The following PPP1R7 variants were observed in gnomAD, a reference collection of about 807,000 sequenced individuals.
PPP1R7 encodes the protein protein phosphatase 1 regulatory subunit 7.
PPP1R7 carries 18 observed loss-of-function variants against 45.2 expected under a neutral mutation model. That is an observed-to-expected ratio of 0.40 (90% confidence interval 0.28 to 0.59). PPP1R7 has a LOEUF of 0.59. PPP1R7 is among the 20% of genes least tolerant of loss of function. PPP1R7 has a pLI of 0.46. For synonymous variants in PPP1R7, 181 were observed against 183.4 expected, an observed-to-expected ratio of 0.99 and a Z score of 0.11; for missense variants, 314 against 455.8, an observed-to-expected ratio of 0.69 and a Z score of 2.83.
chr2:241,149,708 G>T, upstream of PPP1R7: 1 of 1,551,166 alleles, frequency 6.4e-7, no homozygotes, highest in Non-Finnish European at 8.7e-7. Context: ...GATCAAAATG[G>T]GTGAGTAGCG....
intron 9 of PPP1R7, among the ~76,000 whole-genome samples, chr2:241,181,690 T>G (rs971712007): frequency 6.6e-6 from 1 of 152,168 alleles, no homozygotes; most frequent in African/African-American, 2.4e-5. Flanking sequence ...CCGTTCCACA[T>G]GGACAGTTCC....
chr2:241,171,252 A>G (rs898024988), intron 9 of PPP1R7, among the ~76,000 whole-genome samples: 2 of 152,244 alleles, frequency 1.3e-5, no homozygotes, highest in African/African-American at 4.8e-5. Context: ...CTGGTGATCA[A>G]TCACTAGGGG....
upstream of PPP1R7, chr2:241,150,208 C>G: frequency 7.8e-7 from 1 of 1,275,624 alleles, no homozygotes; most frequent in East Asian, 3.2e-5. Flanking sequence ...CGTCTGCCTG[C>G]AGCTACGGCT....
At chr2:241,155,146 G>A (rs781390263) in intron 2 of PPP1R7, 1 of 152,236 alleles carries the variant, frequency 6.6e-6, no homozygotes, top group Non-Finnish European at 1.5e-5. Flanking sequence ...GCTATCCTCA[G>A]ATGGGTGCTG....
chr2:241,166,386 G>A lies in PPP1R7; in HGVS notation c.764G>A (p.Arg255Gln), dbSNP rs751179493. 10 of 1,613,908 alleles carry A rather than the reference G, an allele frequency of 6.2e-6. No individual in the cohort carries two copies. The highest frequency in any genetic ancestry group is 4.0e-5 in the African/African-American group (3 of 74,902). Residue 255 changes from arginine to glutamine, a missense_variant, in exon 8 of 10, where the codon CGG (arginine) becomes CAG (glutamine). Coordinates refer to ENST00000234038, the MANE Select transcript of PPP1R7 (RefSeq NM_002712.3). ...IEGLQNLVNL[R>Q]ELYLSHNGIE... ...GGTCTGCAGAACCTGGTGAACCTGC[G>A]GGAGCTGTACCTTAGCCACAATGGC...
intron 2 of PPP1R7, among the ~76,000 whole-genome samples, chr2:241,157,087 GCT>G (rs1050173406): frequency 6.6e-6 from 1 of 152,194 alleles, no homozygotes; most frequent in African/African-American, 2.4e-5. Context: ...AGGGAGAGCA[GCT>G]CTCTCCCTCC....
Position 241,182,943 on chromosome 2 carries a change from T to A in PPP1R7, c.*120T>A. 1.7e-6 allele frequency: 2 copies of A among 1,193,016 alleles called. No homozygotes were observed. The highest frequency in any genetic ancestry group is 2.3e-6 in the Non-Finnish European group (2 of 865,174). The allele number at this position is 1,193,016 out of a possible 1,614,324, so 73.9% of individuals were successfully genotyped here. On this transcript the variant is annotated 3_prime_UTR_variant, in exon 10 of 10. Coordinates refer to ENST00000234038, the MANE Select transcript of PPP1R7 (RefSeq NM_002712.3). ...TCAACAGTCACAAACCCAATGGCAA[T>A]AAAGGCACTGACGATAGCTGGCGCG...
At chr2:241,166,230 T>G (rs2067706390) in intron 7 of PPP1R7, 107 bp from the exon 8 acceptor site, 1 of 951,174 alleles carries the variant, frequency 1.1e-6, no homozygotes, top group Non-Finnish European at 1.6e-6. Context: ...AGTGAAATTC[T>G]CTGTTCTTAG....
rs1461944842 is a variant in PPP1R7 at position 241,150,476 on chromosome 2, A to G, written c.-20A>G. ...AGGGGTCTGAGGCGACAGATTCCGG[A>G]AAGGGGAAGAGCAGCCAACATGGCG... On this transcript the variant is annotated 5_prime_UTR_variant, in exon 1 of 10. Transcript: ENST00000234038. 1 of 1,575,964 alleles carries G rather than the reference A, an allele frequency of 6.3e-7. No homozygotes were observed. The highest frequency in any genetic ancestry group is 8.6e-7 in the Non-Finnish European group (1 of 1,160,552).
At chr2:241,150,333 A>G (rs1220219382), upstream of PPP1R7, 3 of 1,310,676 alleles carry the variant, frequency 2.3e-6, no homozygotes, top group South Asian at 2.3e-5. Flanking sequence ...GCGCGGCCTC[A>G]TGACGGAACT....
chr2:241,153,701 G>A (rs879306172), intron 2 of PPP1R7, 97 bp downstream of exon 2: 69 of 1,488,178 alleles, frequency 4.6e-5, no homozygotes, highest in Non-Finnish European at 6.0e-5. Context: ...GTGTCGGTCT[G>A]GAGAAGGACT....
chr2:241,156,142 T>C (rs890792598), intron 2 of PPP1R7, among the ~76,000 whole-genome samples: 1 of 152,124 alleles, frequency 6.6e-6, no homozygotes, highest in South Asian at 2.1e-4. Context: ...GCCCTTGGCA[T>C]GGGGTCCAGG....
At chr2:241,158,192 G>C (rs2067503238) in intron 3 of PPP1R7, among the ~76,000 whole-genome samples, 2 of 152,182 alleles carry the variant, frequency 1.3e-5, no homozygotes, top group Non-Finnish European at 2.9e-5. Flanking sequence ...GATGGTGATG[G>C]GATGGGGTGC....
intron 6 of PPP1R7, among the ~76,000 whole-genome samples, chr2:241,162,091 G>A (rs986485733): frequency 7.2e-5 from 11 of 152,180 alleles, no homozygotes; most frequent in African/African-American, 2.7e-4. Flanking sequence ...AGATGTCATG[G>A]CCACAAATAG....
chr2:241,163,360 A>G lies in PPP1R7; in HGVS notation c.673A>G (p.Asn225Asp), dbSNP rs750409528. 3 of 1,613,996 alleles carry G rather than the reference A, an allele frequency of 1.9e-6. No homozygotes were observed. Among genetic ancestry groups the G allele is most frequent in the South Asian group, 2.2e-5 (2 of 91,070 alleles). Residue 225 changes from asparagine (N) to aspartate (D), a missense_variant, in exon 7 of 10, where the codon AAC becomes GAC. Transcript: ENST00000234038. The stretch of plus-strand genomic sequence containing the variant: ...GAAAAACAAAATTACTAAACTTCAG[A>G]ACCTGGATGCGCTCACCAACCTGAC... The part of the protein sequence containing the change: ...LGKNKITKLQ[N>D]LDALTNLTVL...
rs1231859769 is a variant in PPP1R7 at position 241,182,963 on chromosome 2, G to GGC, written c.*148_*149dup. On this transcript the variant is annotated 3_prime_UTR_variant, in exon 10 of 10. Coordinates refer to ENST00000234038, the MANE Select transcript of PPP1R7 (RefSeq NM_002712.3). ...GGCAATAAAGGCACTGACGATAGCT[G>GGC]GCGCGCGCGACGTCACACACCATTT... 4 of 953,384 alleles carry GGC rather than the reference G, an allele frequency of 4.2e-6. No individual in the cohort carries two copies. In the African/African-American group the frequency reaches 6.6e-5, roughly 16 times the overall value. The allele number at this position is 953,384 out of a possible 1,614,324, so 59.1% of individuals were successfully genotyped here. A position where few individuals can be genotyped will look rare whatever the true frequency, so the allele number is the denominator to read the frequency against.
chr2:241,163,526 A>G (rs1253818307), intron 7 of PPP1R7, 125 bp downstream of exon 7: 10 of 678,894 alleles, frequency 1.5e-5, no homozygotes, highest in East Asian at 1.3e-4. Flanking sequence ...TTAGTAAGCA[A>G]TTGAAACATT....
At chr2:241,167,589 C>T (rs1193603006) in intron 8 of PPP1R7, among the ~76,000 whole-genome samples, 1 of 152,148 alleles carries the variant, frequency 6.6e-6, no homozygotes, top group African/African-American at 2.4e-5. Flanking sequence ...GCAGTCACCA[C>T]CAAGCATCCA....
chr2:241,166,470 G>T, intron 8 of PPP1R7, 29 bp downstream of exon 8: 1 of 1,600,610 alleles, frequency 6.2e-7, no homozygotes, highest in Non-Finnish European at 8.5e-7. Flanking sequence ...GTCTGGGGCT[G>T]TGTGGGCGGT....
Sources: allele counts gnomAD v4.1 joint callset (sites outside exome capture counted in the v4.1 genomes callset), GRCh38; gene constraint gnomAD v4.1.1; transcripts MANE v1.5; gene names NCBI Gene and HGNC (gene_info 2026-07-23, HGNC 2026-07-21).